The following KIF13A variants were observed in gnomAD, a reference collection of about 807,000 sequenced individuals.
KIF13A encodes the protein kinesin family member 13A.
In KIF13A, 79 loss-of-function variants were observed where a neutral mutation model predicts 212.2. The observed-to-expected ratio is 0.37, with a 90% CI of 0.31 to 0.45. The LOEUF is 0.45. Ranked by LOEUF, KIF13A falls within the 20% of genes least tolerant of loss-of-function variation. The probability of loss-of-function intolerance (pLI) is 1.00; values close to 1 mark genes in which losing one functional copy is unlikely to be tolerated. For missense variants in KIF13A, 1,901 were observed against 2,209.0 expected, an observed-to-expected ratio of 0.86 and a Z score of 2.79; for synonymous variants, 789 against 808.6, an observed-to-expected ratio of 0.98 and a Z score of 0.41.
At chr6:17,779,740 GTATTTTTT>G in intron 31 of KIF13A, 56 bp from the exon 32 acceptor site, 1 of 478,842 alleles carries the variant, frequency 2.1e-6, no homozygotes, top group Non-Finnish European at 3.5e-6. Flanking sequence ...AAGTTATTTT[GTATTTTTT>G]TTTTTTTTTT....
chr6:17,869,825 T>A (rs978938216), intron 4 of KIF13A, among the ~76,000 whole-genome samples: 2 of 152,228 alleles, frequency 1.3e-5, no homozygotes, highest in Non-Finnish European at 2.9e-5. Context: ...TCTCTCTCCC[T>A]GCTACCCCCC....
chr6:17,917,827 G>A (rs1474717529), intron 2 of KIF13A, among the ~76,000 whole-genome samples: 1 of 152,142 alleles, frequency 6.6e-6, no homozygotes, highest in Non-Finnish European at 1.5e-5. Context: ...GTTCCAGATT[G>A]TCGTCTGTAG....
At chr6:17,943,376 C>T (rs1262015629) in intron 2 of KIF13A, among the ~76,000 whole-genome samples, 3 of 151,316 alleles carry the variant, frequency 2.0e-5, no homozygotes, top group African/African-American at 4.9e-5. Context: ...TTCAGAATCA[C>T]CTGGAAAGTT....
rs1166216105 is a variant in KIF13A at position 17,787,290 on chromosome 6, A to C, written c.3361+486T>G. Reference sequence around the variant, plus strand: ...GTTTTATGAAAACTTACTACTTTCAAATTTGGAGGCCTCTTAAACCAACAA... The same window carrying C: ...GTTTTATGAAAACTTACTACTTTCACATTTGGAGGCCTCTTAAACCAACAA... On this transcript the variant is annotated intron_variant, in intron 27 of 38. Coordinates refer to ENST00000259711, the MANE Select transcript of KIF13A (RefSeq NM_022113.6). This position sits in a 1 kb window ranked among gnomAD's most constrained non-coding sequence, Gnocchi z 4.6. Among the ~76,000 whole-genome samples the C allele has an allele frequency of 1.3e-5, 2 of 152,170 alleles. No homozygotes were observed. The highest frequency in any genetic ancestry group is 4.8e-5 in the African/African-American group (2 of 41,438).
At chr6:17,891,325 C>T (rs543572848) in intron 3 of KIF13A, among the ~76,000 whole-genome samples, 3 of 152,094 alleles carry the variant, frequency 2.0e-5, no homozygotes, top group African/African-American at 7.2e-5. Context: ...TGGTACAAAG[C>T]AATTTATAAA....
intron 2 of KIF13A, among the ~76,000 whole-genome samples, chr6:17,939,269 C>T (rs1776747030): frequency 6.6e-6 from 1 of 152,236 alleles, no homozygotes; most frequent in African/African-American, 2.4e-5. Flanking sequence ...ATTTCAGTAA[C>T]AGATGTTTCA....
In KIF13A at chr6:17,871,055, C is replaced by T. The variant is rs1174956638; in HGVS notation, c.220+2322G>A. ...TCAAACACAGGTCTCACGTCAAAAT[C>T]CATGTGCTCTCCTTGACACATGTCA... is the stretch of plus-strand genomic sequence containing the variant. On this transcript the variant is annotated intron_variant, in intron 4 of 38. Transcript: ENST00000259711. This position sits in a 1 kb window ranked among gnomAD's most constrained non-coding sequence, Gnocchi z 4.4. Among the ~76,000 whole-genome samples the T allele has an allele frequency of 6.6e-6, 1 of 152,230 alleles. No homozygotes were observed. The highest frequency in any genetic ancestry group is 1.5e-5 in the Non-Finnish European group (1 of 68,042).
Position 17,940,830 on chromosome 6 carries a change from T to A in KIF13A, c.147-42650A>T, listed in dbSNP as rs1274540640. ...ACATGTAAATTTATTTTTTTTTTTTTTTTTTTTTTTTTTGAGACAGAATTT... is the reference window on the plus strand; with the variant it reads ...ACATGTAAATTTATTTTTTTTTTTTATTTTTTTTTTTTTGAGACAGAATTT... On this transcript the variant is annotated intron_variant, in intron 2 of 38. Coordinates refer to ENST00000259711, the MANE Select transcript of KIF13A (RefSeq NM_022113.6). Among the ~76,000 whole-genome samples the A allele has an allele frequency of 5.5e-4, 83 of 150,786 alleles. 1 individual carries two copies. The highest frequency in any genetic ancestry group is 1.2e-3 in the African/African-American group (49 of 40,792).
intron 34 of KIF13A, among the ~76,000 whole-genome samples, chr6:17,775,334 T>C (rs927361394): frequency 6.6e-6 from 1 of 152,216 alleles, no homozygotes; most frequent in Middle Eastern, 3.2e-3. Flanking sequence ...TTACTATATA[T>C]GGTCTTATTC....
rs1254741030 is a variant in KIF13A at position 17,919,199 on chromosome 6, C to A, written c.147-21019G>T. 6.6e-6 allele frequency among the ~76,000 whole-genome samples: 1 copy of A among 152,142 alleles called. No homozygotes were observed. Among genetic ancestry groups the A allele is most frequent in the Non-Finnish European group, 1.5e-5 (1 of 68,020 alleles). On this transcript the variant is annotated intron_variant, in intron 2 of 38. Transcript: ENST00000259711. The surrounding 1 kb of genome is among the most constrained non-coding windows in gnomAD (Gnocchi z 4.1). ...ACAAATGCTTTAATAGTGAAAATTG[C>A]AAACACATACGAATGGAATGTGAAC...
Position 17,888,797 on chromosome 6 carries a change from C to A in KIF13A, c.159+9371G>T, listed in dbSNP as rs1293542111. Among the ~76,000 whole-genome samples, 1 of 151,698 alleles carries A rather than the reference C, an allele frequency of 6.6e-6. No individual in the cohort carries two copies. Among genetic ancestry groups the A allele is most frequent in the African/African-American group, 2.4e-5 (1 of 41,256 alleles). ...CCGAGACTGTGCCACTGCACTCCAG[C>A]CTGGGTGACAGAGTGAGACCCTATC... On this transcript the variant is annotated intron_variant, in intron 3 of 38. Coordinates refer to ENST00000259711, the MANE Select transcript of KIF13A (RefSeq NM_022113.6). The surrounding 1 kb of genome is among the most constrained non-coding windows in gnomAD (Gnocchi z 4.8).
chr6:17,805,983 G>T (rs1762912056), intron 18 of KIF13A, among the ~76,000 whole-genome samples: 1 of 147,562 alleles, frequency 6.8e-6, no homozygotes, highest in Admixed American at 6.8e-5. Context: ...GAAGTGGTAT[G>T]ATCTTAGTGC....
Position 17,764,473 on chromosome 6 carries a change from GA to G in KIF13A, c.5054del (p.Ile1685ThrfsTer18). ...LAKGSPSSQS[I>X]PEKNSKSLCR... ...ACAGTGATTTGGAGTTTTTCTCAGG[GA>G]TGCTCTGGGATGATGGGCTCCCTTT... On this transcript the variant is annotated frameshift_variant, in exon 39 of 39. Transcript: ENST00000259711. LOFTEE classifies it low-confidence loss of function (END_TRUNC). This position sits in a 1 kb window ranked among gnomAD's most constrained non-coding sequence, Gnocchi z 5.1. 6.2e-7 allele frequency: 1 copy of G among 1,614,018 alleles called. No homozygotes were observed. Among genetic ancestry groups the G allele is most frequent in the Non-Finnish European group, 8.5e-7 (1 of 1,179,894 alleles).
At position 17,833,946 on chromosome 6, in the gene KIF13A, A is replaced by G; in HGVS notation, c.1266+15T>C. ...AAAAGAATCCCAATATTTTAGGGCTAAATTATCAAGCTACCTGTGCTATCT... is the reference window on the plus strand; with the variant it reads ...AAAAGAATCCCAATATTTTAGGGCTGAATTATCAAGCTACCTGTGCTATCT... On this transcript the variant is annotated intron_variant, in intron 12 of 38. Coordinates refer to ENST00000259711, the MANE Select transcript of KIF13A (RefSeq NM_022113.6). 2 of 1,405,432 alleles carry G rather than the reference A, an allele frequency of 1.4e-6. No individual in the cohort carries two copies. The highest frequency in any genetic ancestry group is 4.7e-5 in the Admixed American group (2 of 42,710). The allele number at this position is 1,405,432 out of a possible 1,614,324, so 87.1% of individuals were successfully genotyped here. A position where few individuals can be genotyped will look rare whatever the true frequency, so the allele number is the denominator to read the frequency against.
chr6:17,924,839 A>C (rs960843193), intron 2 of KIF13A, among the ~76,000 whole-genome samples: 4 of 152,196 alleles, frequency 2.6e-5, no homozygotes, highest in African/African-American at 4.8e-5. Flanking sequence ...ATTTTCTTTT[A>C]TTAGTGATCA....
intron 3 of KIF13A, among the ~76,000 whole-genome samples, chr6:17,890,062 C>T (rs757131158): frequency 1.3e-5 from 2 of 151,868 alleles, no homozygotes; most frequent in Admixed American, 6.6e-5. Flanking sequence ...GTGACACATG[C>T]CAGTAATCCC....
At position 17,987,101 on chromosome 6, in the gene KIF13A, A is replaced by G. The variant is rs781296077; in HGVS notation, c.99T>C (p.Asn33=). The change falls in exon 2 of 39, where the codon AAT becomes AAC. Residue 33 remains asparagine (N), a synonymous_variant. Transcript: ENST00000259711. The surrounding 1 kb of genome is among the most constrained non-coding windows in gnomAD (Gnocchi z 7.7). The part of the protein sequence containing the change: ...NTKCVVEMEG[N]QTVLHPPPSN... ...AAGGAGGAGGGTGCAGGACCGTTTG[A>G]TTCCCTTCCATCTCCACCACGCACT... 3 of 1,613,670 alleles carry G rather than the reference A, an allele frequency of 1.9e-6. No individual in the cohort carries two copies. Among genetic ancestry groups the G allele is most frequent in the East Asian group, 4.5e-5 (2 of 44,830 alleles).
chr6:17,817,616 T>C (rs1487560312), intron 16 of KIF13A, among the ~76,000 whole-genome samples: 1 of 152,228 alleles, frequency 6.6e-6, no homozygotes. Flanking sequence ...GCACATAAGA[T>C]TTGATCTTTC....
rs139864700 is a variant in KIF13A at position 17,918,927 on chromosome 6, AC to A, written c.147-20748del. 1.6e-3 allele frequency among the ~76,000 whole-genome samples: 238 copies of A among 152,244 alleles called. 1 individual carries two copies. The highest frequency in any genetic ancestry group is 5.5e-3 in the African/African-American group (228 of 41,540). ...TATCCACAGGTCTCCCCTGGATCTG[AC>A]AGTTATAAGATCCACGGAAAGAGAG... On this transcript the variant is annotated intron_variant, in intron 2 of 38. Transcript: ENST00000259711. This position sits in a 1 kb window ranked among gnomAD's most constrained non-coding sequence, Gnocchi z 4.8.
Sources: gnomAD v4.1 joint callset for allele counts (sites outside exome capture counted in the v4.1 genomes callset) on GRCh38, gnomAD v4.1.1 for gene constraint, Gnocchi (gnomAD v3.1) non-coding constraint, MANE v1.5 for transcripts, NCBI Gene and HGNC (gene_info 2026-07-23, HGNC 2026-07-21) for gene names.